The following GRID2 variants were observed in gnomAD, a reference collection of about 807,000 sequenced individuals.
GRID2 encodes glutamate receptor ionotropic, delta-2.
GRID2 carries 33 observed loss-of-function variants against 114.8 expected under a neutral mutation model. That is an observed-to-expected ratio of 0.29 (90% CI 0.22 to 0.38). The LOEUF (loss-of-function observed/expected upper bound fraction) is 0.38, where lower values mean the gene tolerates loss of function less well. Among genes scored for constraint, GRID2 ranks in the 10% least tolerant of loss-of-function variants. GRID2 has a pLI of 1.00. For synonymous variants in GRID2, 505 were observed against 449.9 expected, an observed-to-expected ratio of 1.12 and a Z score of -1.55; for missense variants, 1,184 against 1,257.7, an observed-to-expected ratio of 0.94 and a Z score of 0.89.
chr4:92,487,589 GCAAGAA>G (rs1722955602), intron 1 of GRID2, among the ~76,000 whole-genome samples: 4 of 151,778 alleles, frequency 2.6e-5, no homozygotes, highest in Admixed American at 2.6e-4. Flanking sequence ...TCTTTGTCTT[GCAAGAA>G]TTTCTATCTT....
intron 2 of GRID2, among the ~76,000 whole-genome samples, chr4:92,796,362 G>A (rs1347661085): frequency 6.6e-6 from 1 of 151,726 alleles, no homozygotes; most frequent in South Asian, 2.1e-4. Context: ...CCTGATTCAG[G>A]GACAATCAAT....
At chr4:92,633,480 T>G (rs1312441576) in intron 2 of GRID2, among the ~76,000 whole-genome samples, 1 of 152,114 alleles carries the variant, frequency 6.6e-6, no homozygotes, top group African/African-American at 2.4e-5. Flanking sequence ...AGCAACAAAT[T>G]TTTCATTCAA....
intron 4 of GRID2, among the ~76,000 whole-genome samples, chr4:93,192,378 A>G (rs1235182522): frequency 2.0e-5 from 3 of 152,202 alleles, no homozygotes; most frequent in Non-Finnish European, 4.4e-5. Context: ...ACTTCAGTGA[A>G]TAGTTTACAA....
At chr4:93,409,272 T>G (rs938263262) in intron 9 of GRID2, among the ~76,000 whole-genome samples, 3 of 152,096 alleles carry the variant, frequency 2.0e-5, no homozygotes, top group Admixed American at 1.3e-4. Flanking sequence ...AGGTAAAGAT[T>G]GGTATAGCAA....
intron 2 of GRID2, among the ~76,000 whole-genome samples, chr4:92,831,153 G>T (rs756260178): frequency 1.2e-4 from 18 of 152,106 alleles, no homozygotes; most frequent in Non-Finnish European, 1.8e-4. Context: ...ATTTTAACTT[G>T]CATTCCATGT....
chr4:93,071,496 A>G (rs912927380), intron 2 of GRID2, among the ~76,000 whole-genome samples: 1 of 152,154 alleles, frequency 6.6e-6, no homozygotes, highest in Admixed American at 6.6e-5. Flanking sequence ...TCAAATGATG[A>G]TAACTATTAA....
intron 2 of GRID2, among the ~76,000 whole-genome samples, chr4:93,053,155 G>C (rs1263084921): frequency 1.3e-5 from 2 of 151,816 alleles, no homozygotes; most frequent in Non-Finnish European, 2.9e-5. Context: ...AATATCAATG[G>C]TTCTTAAAGC....
At chr4:92,504,027 G>T (rs942820815) in intron 1 of GRID2, among the ~76,000 whole-genome samples, 2 of 152,002 alleles carry the variant, frequency 1.3e-5, no homozygotes. Context: ...GACCAAAAAT[G>T]TGTAGTACAT....
intron 8 of GRID2, among the ~76,000 whole-genome samples, chr4:93,244,569 TATTA>T (rs1311471566): frequency 2.7e-5 from 1 of 36,668 alleles, no homozygotes; most frequent in African/African-American, 1.3e-4. Context: ...ATCTATTATA[TATTA>T]ATTAATAGAT....
intron 10 of GRID2, among the ~76,000 whole-genome samples, chr4:93,425,754 AG>A (rs1768781564): frequency 1.3e-5 from 2 of 152,100 alleles, no homozygotes; most frequent in African/African-American, 4.8e-5. Context: ...CTGACAAGTT[AG>A]TTAATAAGAC....
At chr4:93,221,746 G>T (rs191077832) in intron 6 of GRID2, among the ~76,000 whole-genome samples, 1 of 151,974 alleles carries the variant, frequency 6.6e-6, no homozygotes. Context: ...GCCTGCAAAA[G>T]AAAAAGTGTC....
chr4:93,691,558 C>A (rs926429356), intron 14 of GRID2, among the ~76,000 whole-genome samples: 5 of 152,062 alleles, frequency 3.3e-5, no homozygotes, highest in African/African-American at 1.2e-4. Context: ...AGTTATTTAA[C>A]TTTGCTTAGT....
intron 1 of GRID2, among the ~76,000 whole-genome samples, chr4:92,323,920 AT>A (rs1337935199): frequency 1.3e-5 from 2 of 152,016 alleles, no homozygotes; most frequent in Non-Finnish European, 2.9e-5. Flanking sequence ...AAAAATAGGA[AT>A]TATATTCATA....
intron 1 of GRID2, among the ~76,000 whole-genome samples, chr4:92,408,023 G>T (rs1485105361): frequency 6.6e-6 from 1 of 152,082 alleles, no homozygotes; most frequent in Non-Finnish European, 1.5e-5. Context: ...ACGTAGAAAA[G>T]GATATTTCCT....
chr4:93,250,928 G>A (rs918515942), intron 8 of GRID2, among the ~76,000 whole-genome samples: 1 of 151,632 alleles, frequency 6.6e-6, no homozygotes, highest in Non-Finnish European at 1.5e-5. Flanking sequence ...TTATAGTCCT[G>A]GTTTTTGAGG....
intron 14 of GRID2, among the ~76,000 whole-genome samples, chr4:93,634,412 T>C (rs1721228159): frequency 6.6e-6 from 1 of 152,106 alleles, no homozygotes; most frequent in South Asian, 2.1e-4. Context: ...GAAACTAAAA[T>C]TGAATGTGAT....
exon 2 of GRID2, chr4:93,809,832 C>T (rs539973884): frequency 6.6e-6 from 1 of 152,084 alleles, no homozygotes; most frequent in Non-Finnish European, 1.5e-5. Context: ...AAAACATTAG[C>T]AATTAAAAAC....
chr4:92,972,259 C>A (rs1753571563), intron 2 of GRID2, among the ~76,000 whole-genome samples: 1 of 148,064 alleles, frequency 6.8e-6, no homozygotes, highest in Admixed American at 6.7e-5. Context: ...GAGATGATAT[C>A]TCATTATGGT....
In GRID2 at chr4:93,260,331, A is replaced by C. The variant is rs148102838; in HGVS notation, c.1245+21841A>C. On this transcript the variant is annotated intron_variant, in intron 8 of 15. Transcript: ENST00000282020. ...AAGTTTCTTAATGTCAAATTTTAAT[A>C]ATCAAAATACATCTATTAGGCACAT... Among the ~76,000 whole-genome samples the C allele has an allele frequency of 2.2e-3, 327 of 151,614 alleles. 2 individuals carry two copies. The highest frequency in any genetic ancestry group is 7.6e-3 in the African/African-American group (317 of 41,506).
Sources: gnomAD v4.1 joint callset for allele counts (sites outside exome capture counted in the v4.1 genomes callset) on GRCh38, gnomAD v4.1.1 for gene constraint, MANE v1.5 for transcripts, NCBI Gene and HGNC (gene_info 2026-07-23, HGNC 2026-07-21) for gene names.